The following NENF variants were observed in gnomAD, a reference collection of about 807,000 sequenced individuals.
NENF encodes neudesin.
NENF carries 6 observed loss-of-function variants against 14.8 expected under a neutral mutation model. That is an observed-to-expected ratio of 0.40 (90% confidence interval 0.22 to 0.80). NENF has a LOEUF of 0.80. NENF is among the 30% of genes least tolerant of loss of function. NENF has a pLI of 0.34. For missense variants in NENF, 184 were observed against 212.7 expected (o/e 0.87, Z 0.84); for synonymous variants, 76 against 95.1 (o/e 0.80, Z 1.17).
intron 2 of NENF, among the ~76,000 whole-genome samples, chr1:212,442,845 C>T (rs1332961925): frequency 1.3e-5 from 2 of 152,110 alleles, no homozygotes; most frequent in Non-Finnish European, 2.9e-5. Context: ...TGGGTTCAAG[C>T]AATTCTCTGC....
chr1:212,433,317 A>G lies in NENF; in HGVS notation c.177+197A>G, dbSNP rs953832927. On this transcript the variant is annotated intron_variant, in intron 1 of 3. Coordinates refer to ENST00000366988, the MANE Select transcript of NENF (RefSeq NM_013349.5). The surrounding 1 kb of genome is among the most constrained non-coding windows in gnomAD (Gnocchi z 5.5). ...CGAGGGGTGAGGACGAGTCCTCAAC[A>G]GTCGGAGCGCTCCGCTTTGCCCGCA... Among the ~76,000 whole-genome samples the G allele has an allele frequency of 6.6e-6, 1 of 152,048 alleles. No homozygotes were observed. Among genetic ancestry groups the G allele is most frequent in the Admixed American group, 6.5e-5 (1 of 15,282 alleles).
intron 1 of NENF, chr1:212,434,864 T>G (rs551114311): frequency 7.4e-6 from 1 of 134,480 alleles, no homozygotes; most frequent in South Asian, 2.1e-4. Context: ...AGATTGAAAT[T>G]TAACTGAGAG....
chr1:212,446,294 C>T lies in NENF; in HGVS notation c.*288C>T, dbSNP rs1662778093. On this transcript the variant is annotated 3_prime_UTR_variant, in exon 4 of 4. Transcript: ENST00000366988. ...AATTTTGAGCGACCTTTACTTTATA[C>T]TTTTCTGTGCTTGACAGATTTTCAG... is the stretch of plus-strand genomic sequence containing the variant. 1 of 330,620 alleles carries T rather than the reference C, an allele frequency of 3.0e-6. No homozygotes were observed. Among genetic ancestry groups the T allele is most frequent in the Non-Finnish European group, 5.5e-6 (1 of 181,056 alleles). The allele number at this position is 330,620 out of a possible 1,614,324, so 20.5% of individuals were successfully genotyped here.
Position 212,433,144 on chromosome 1 carries a change from A to C in NENF, c.177+24A>C. 1 of 1,163,554 alleles carries C rather than the reference A, an allele frequency of 8.6e-7. No individual in the cohort carries two copies. The allele number at this position is 1,163,554 out of a possible 1,614,324, so 72.1% of individuals were successfully genotyped here. A position where few individuals can be genotyped will look rare whatever the true frequency, so the allele number is the denominator to read the frequency against. On this transcript the variant is annotated intron_variant, in intron 1 of 3. Transcript: ENST00000366988. This position sits in a 1 kb window ranked among gnomAD's most constrained non-coding sequence, Gnocchi z 5.5. Reference sequence around the variant, plus strand: ...AGGTAGGCGGGGGTGTCGCGGGCCGAGGGACCCGGGGTGGCGTCCGATCTG... The same window carrying C: ...AGGTAGGCGGGGGTGTCGCGGGCCGCGGGACCCGGGGTGGCGTCCGATCTG...
intron 1 of NENF, among the ~76,000 whole-genome samples, chr1:212,434,048 C>A (rs1041213279): frequency 2.0e-5 from 3 of 152,150 alleles, no homozygotes; most frequent in African/African-American, 7.2e-5. Context: ...TCGCTAATTC[C>A]TGAGTTAATT....
chr1:212,439,734 T>C (rs928034622), intron 1 of NENF, among the ~76,000 whole-genome samples: 2 of 144,150 alleles, frequency 1.4e-5, no homozygotes, highest in Non-Finnish European at 1.5e-5. Flanking sequence ...GTGACACACG[T>C]CTGTAATCCC....
intron 1 of NENF, among the ~76,000 whole-genome samples, chr1:212,436,661 T>C (rs1256066629): frequency 6.6e-6 from 1 of 152,242 alleles, no homozygotes; most frequent in African/African-American, 2.4e-5. Context: ...TCTGGGATTA[T>C]TTCCTTATAT....
At chr1:212,435,786 T>G (rs1452928320) in intron 1 of NENF, among the ~76,000 whole-genome samples, 1 of 152,040 alleles carries the variant, frequency 6.6e-6, no homozygotes. Context: ...CTCAAGCAAC[T>G]CTTCCACCTC....
chr1:212,444,510 T>G, intron 3 of NENF, 68 bp downstream of exon 3: 1 of 1,072,570 alleles, frequency 9.3e-7, no homozygotes, highest in Non-Finnish European at 1.3e-6. Flanking sequence ...TCTTTTTCTT[T>G]TTCTTTTCGT....
intron 3 of NENF, 127 bp downstream of exon 3, chr1:212,444,569 A>G (rs7520268): frequency 0.21 from 45,705 of 213,390 alleles, 4,296 homozygotes; most frequent in Admixed American, 0.29. Context: ...GTGTGTGTGT[A>G]TCTGGGCAAG....
chr1:212,445,723 C>T (rs1571706386), intron 3 of NENF, 107 bp from the exon 4 acceptor site: 4 of 819,292 alleles, frequency 4.9e-6, no homozygotes, highest in East Asian at 6.9e-5. Context: ...GATATCTTTT[C>T]TCTTGCATTA....
At chr1:212,438,000 GAAA>G (rs949104368) in intron 1 of NENF, among the ~76,000 whole-genome samples, 1 of 151,612 alleles carries the variant, frequency 6.6e-6, no homozygotes, top group East Asian at 1.9e-4. Context: ...TTTTAAAAAA[GAAA>G]AAAAATCTGG....
chr1:212,444,236 T>C (rs1662740009), intron 2 of NENF, 103 bp from the exon 3 acceptor site: 1 of 611,806 alleles, frequency 1.6e-6, no homozygotes, highest in Non-Finnish European at 2.6e-6. Flanking sequence ...GTGGAGTCTT[T>C]TTTAGGATTG....
chr1:212,445,827 A>G lies in NENF; in HGVS notation c.343-3A>G, dbSNP rs1389646853. 28 of 1,614,182 alleles carry G rather than the reference A, an allele frequency of 1.7e-5. No homozygotes were observed. The highest frequency in any genetic ancestry group is 2.2e-5 in the Non-Finnish European group (26 of 1,179,990). Reference sequence around the variant, plus strand: ...CTGTCTTTCTTGGGCTTTTCTCCCCAAGACGGGTCTCACGGCCAAGGAACT... The same window carrying G: ...CTGTCTTTCTTGGGCTTTTCTCCCCGAGACGGGTCTCACGGCCAAGGAACT... On this transcript the variant is annotated splice_region_variant and splice_polypyrimidine_tract_variant and intron_variant, in intron 3 of 3. Coordinates refer to ENST00000366988, the MANE Select transcript of NENF (RefSeq NM_013349.5).
chr1:212,433,125 GC>G lies in NENF; in HGVS notation c.177+6del. ...GCCCGCTATGGCGGGGAGGAGGTAG[GC>G]GGGGGTGTCGCGGGCCGAGGGACCC... On this transcript the variant is annotated splice_donor_region_variant and intron_variant, in intron 1 of 3. Coordinates refer to ENST00000366988, the MANE Select transcript of NENF (RefSeq NM_013349.5). The surrounding 1 kb of genome is among the most constrained non-coding windows in gnomAD (Gnocchi z 5.5). 8.4e-7 allele frequency: 1 copy of G among 1,186,840 alleles called. No individual in the cohort carries two copies. The highest frequency in any genetic ancestry group is 1.0e-6 in the Non-Finnish European group (1 of 958,132). 73.5% of individuals were successfully genotyped at this position (1,186,840 alleles called of 1,614,324 possible). A position where few individuals can be genotyped will look rare whatever the true frequency, so the allele number is the denominator to read the frequency against.
At chr1:212,436,988 T>G (rs1263920565) in intron 1 of NENF, among the ~76,000 whole-genome samples, 1 of 150,406 alleles carries the variant, frequency 6.6e-6, no homozygotes, top group Non-Finnish European at 1.5e-5. Context: ...CTGCATTAAA[T>G]GAGATGGTGG....
intron 1 of NENF, among the ~76,000 whole-genome samples, chr1:212,439,957 G>GA (rs942382616): frequency 6.6e-6 from 1 of 152,008 alleles, no homozygotes; most frequent in African/African-American, 2.4e-5. Flanking sequence ...TTTGCCCATA[G>GA]AAAATAAGTG....
chr1:212,445,858 C>G lies in NENF; in HGVS notation c.371C>G (p.Ala124Gly), dbSNP rs374093397. Reference protein sequence around the residue: ...TTGLTAKELEALDEVFTKVYK... With the variant: ...TTGLTAKELEGLDEVFTKVYK... ...GGTCTCACGGCCAAGGAACTGGAGG[C>G]CCTGGATGAGGTCTTCACCAAAGTG... The change falls in exon 4 of 4, where the codon GCC (alanine) becomes GGC (glycine). Residue 124 changes from alanine (A) to glycine (G), a missense_variant. Coordinates refer to ENST00000366988, the MANE Select transcript of NENF (RefSeq NM_013349.5). 6.2e-7 allele frequency: 1 copy of G among 1,614,226 alleles called. No homozygotes were observed. The highest frequency in any genetic ancestry group is 8.5e-7 in the Non-Finnish European group (1 of 1,180,044).
intron 1 of NENF, among the ~76,000 whole-genome samples, chr1:212,441,042 A>G (rs1157605198): frequency 6.6e-6 from 1 of 152,054 alleles, no homozygotes; most frequent in Non-Finnish European, 1.5e-5. Context: ...AACTTGATGG[A>G]AGCTAGAAAA....
Sources: gnomAD v4.1 joint callset for allele counts (sites outside exome capture counted in the v4.1 genomes callset) on GRCh38, gnomAD v4.1.1 for gene constraint, Gnocchi (gnomAD v3.1) non-coding constraint, MANE v1.5 for transcripts, NCBI Gene and HGNC (gene_info 2026-07-23, HGNC 2026-07-21) for gene names.